The following KCNMA1 variants were observed in gnomAD, a reference collection of about 807,000 sequenced individuals.
KCNMA1 encodes the protein potassium calcium-activated channel subfamily M alpha 1.
KCNMA1 carries 29 observed loss-of-function variants against 140.0 expected under a neutral mutation model. That is an observed-to-expected ratio of 0.21 (90% CI 0.15 to 0.28). The LOEUF (loss-of-function observed/expected upper bound fraction) is 0.28, where lower values mean the gene tolerates loss of function less well. Among genes scored for constraint, KCNMA1 ranks in the 10% least tolerant of loss-of-function variants. The pLI is 1.00. For missense variants in KCNMA1, 880 were observed against 1,602.2 expected (o/e 0.55, Z 7.70); for synonymous variants, 612 against 611.9 (o/e 1.00, Z 0.00).
chr10:77,588,744 C>G (rs1435761764), intron 1 of KCNMA1, among the ~76,000 whole-genome samples: 2 of 152,260 alleles, frequency 1.3e-5, no homozygotes, highest in African/African-American at 4.8e-5. Flanking sequence ...AGTGGCCAAA[C>G]AGCAAGAGGA....
At chr10:77,430,478 C>A (rs188859698) in intron 1 of KCNMA1, among the ~76,000 whole-genome samples, 19 of 152,298 alleles carry the variant, frequency 1.2e-4, no homozygotes, top group Admixed American at 5.9e-4. Flanking sequence ...TTTTCCTGGG[C>A]TCATCCTCAA....
intron 1 of KCNMA1, among the ~76,000 whole-genome samples, chr10:77,548,239 C>T (rs753772707): frequency 5.3e-4 from 80 of 152,302 alleles, no homozygotes; most frequent in Non-Finnish European, 7.9e-4. Flanking sequence ...ATCCTATTTA[C>T]AGAAAGGCAA....
chr10:77,256,609 A>G (rs1440627581), intron 2 of KCNMA1, among the ~76,000 whole-genome samples: 2 of 152,180 alleles, frequency 1.3e-5, no homozygotes, highest in African/African-American at 4.8e-5. Context: ...GAGTACTAGA[A>G]AAAGTACAGA....
At chr10:77,279,191 T>G (rs527963948) in intron 2 of KCNMA1, among the ~76,000 whole-genome samples, 112 of 152,298 alleles carry the variant, frequency 7.4e-4, no homozygotes, top group Admixed American at 1.8e-3. Flanking sequence ...CTCTACTACA[T>G]TTAGAATAAT....
At chr10:76,941,981 A>C (rs1248652972) in intron 23 of KCNMA1, among the ~76,000 whole-genome samples, 1 of 151,588 alleles carries the variant, frequency 6.6e-6, no homozygotes, top group Non-Finnish European at 1.5e-5. Flanking sequence ...GGTTTATTTT[A>C]TTTTGTTTTA....
At chr10:77,229,517 T>A (rs1052436674) in intron 3 of KCNMA1, among the ~76,000 whole-genome samples, 1 of 152,318 alleles carries the variant, frequency 6.6e-6, no homozygotes, top group African/African-American at 2.4e-5. Context: ...GCTTCACTCA[T>A]CTCTTCACCC....
rs1020929640 is a variant in KCNMA1, at chr10:76,928,778, G to A, written c.2903-13729C>T. Among the ~76,000 whole-genome samples, 4 of 152,076 alleles carry A rather than the reference G, an allele frequency of 2.6e-5. No homozygotes were observed. In the South Asian group the frequency reaches 6.2e-4, roughly 24 times the overall value. Reference sequence around the variant, plus strand: ...GGAGCCGATCAACGCGCCATCCCTCGTGTGCCATCTACATAAGAGTTGTTG... The same window carrying A: ...GGAGCCGATCAACGCGCCATCCCTCATGTGCCATCTACATAAGAGTTGTTG... On this transcript the variant is annotated intron_variant, in intron 23 of 27. Coordinates refer to ENST00000286628, the MANE Select transcript of KCNMA1 (RefSeq NM_001161352.2).
rs140208664 is a variant in KCNMA1 at position 77,083,848 on chromosome 10, G to A, written c.1523+789C>T. ...AGACTCTGTCTCTATGAAAAAAAAC[G>A]GGGGGGGGTTGGGGGAGGTGGGAGA... is the stretch of plus-strand genomic sequence containing the variant. On this transcript the variant is annotated intron_variant, in intron 12 of 27. Transcript: ENST00000286628. Among the ~76,000 whole-genome samples the A allele has an allele frequency of 1.0e-3, 146 of 146,054 alleles. 1 individual carries two copies. The highest frequency in any genetic ancestry group is 1.6e-3 in the Non-Finnish European group (110 of 67,214).
chr10:76,963,954 G>A (rs2072805279), intron 20 of KCNMA1, among the ~76,000 whole-genome samples: 1 of 151,908 alleles, frequency 6.6e-6, no homozygotes, highest in African/African-American at 2.4e-5. Context: ...ATCATAGTTG[G>A]GTGTTCAGCA....
At chr10:77,545,596 G>A (rs1258421958) in intron 1 of KCNMA1, among the ~76,000 whole-genome samples, 2 of 152,222 alleles carry the variant, frequency 1.3e-5, no homozygotes, top group African/African-American at 2.4e-5. Context: ...CCACAAGGCA[G>A]TGGGGCATGG....
chr10:76,927,498 A>G (rs2058060794), intron 23 of KCNMA1, among the ~76,000 whole-genome samples: 1 of 152,232 alleles, frequency 6.6e-6, no homozygotes, highest in South Asian at 2.1e-4. Context: ...GTGGGCTTTA[A>G]AACTATTTTT....
chr10:77,413,662 A>T (rs774742553), intron 1 of KCNMA1, among the ~76,000 whole-genome samples: 5 of 152,138 alleles, frequency 3.3e-5, no homozygotes, highest in Non-Finnish European at 7.3e-5. Context: ...GGAGTGGCAG[A>T]GTTCACTTCT....
chr10:77,240,895 A>G (rs1037778407), intron 3 of KCNMA1, among the ~76,000 whole-genome samples: 2 of 152,222 alleles, frequency 1.3e-5, no homozygotes, highest in African/African-American at 4.8e-5. Context: ...CAGCGAACAG[A>G]TCTCTTAAAC....
Position 77,624,205 on chromosome 10 carries a change from G to C in KCNMA1, c.378+13060C>G, listed in dbSNP as rs1268678502. On this transcript the variant is annotated intron_variant, in intron 1 of 27. Transcript: ENST00000286628. The stretch of plus-strand genomic sequence containing the variant: ...GAAAAGGATCAAAGTAAGTTGATTT[G>C]CATGACCTTCTCTTTAATCAGATGT... 2.0e-5 allele frequency among the ~76,000 whole-genome samples: 3 copies of C among 152,272 alleles called. No homozygotes were observed. The East Asian group carries it at 5.8e-4, about 29-fold the overall frequency.
chr10:77,439,125 GAGAAGAGAAGAGAAGAGAAGAGAAA>G (rs1435313968), intron 1 of KCNMA1, among the ~76,000 whole-genome samples: 2 of 145,360 alleles, frequency 1.4e-5, no homozygotes, highest in African/African-American at 5.1e-5. Context: ...GAGAAGAGAA[GAGAAGAGAAGAGAAGAGAAGAGAAA>G]AGAGAAGAGA....
rs376264061 is a variant in KCNMA1 at position 76,887,478 on chromosome 10, C to G, written c.3499G>C (p.Val1167Leu). ...AAGCAGAAGATCAGGTCCGTCGGCA[C>G]GAGCTCAAACTCATAGGGCGGGTTG... ...ITNPPYEFEL[V>L]PTDLIFCLMQ... Residue 1167 changes from valine to leucine, a missense_variant, in exon 28 of 28, where the codon GTG (valine) becomes CTG (leucine). Physicochemically the swap from Val to Leu is conservative, Grantham distance 32. This residue lies in a region of KCNMA1 where 115 missense variants were observed against 139.9 expected (regional missense o/e 0.82). Coordinates refer to ENST00000286628, the MANE Select transcript of KCNMA1 (RefSeq NM_001161352.2). 6.2e-7 allele frequency: 1 copy of G among 1,614,064 alleles called. No individual in the cohort carries two copies. The highest frequency in any genetic ancestry group is 1.1e-5 in the South Asian group (1 of 91,066).
At chr10:77,395,079 G>A (rs1416741776) in intron 2 of KCNMA1, among the ~76,000 whole-genome samples, 1 of 152,112 alleles carries the variant, frequency 6.6e-6, no homozygotes, top group African/African-American at 2.4e-5. Context: ...AGGTATGGTG[G>A]CTCACATCTG....
At chr10:76,999,363 T>C (rs2085436882) in intron 19 of KCNMA1, among the ~76,000 whole-genome samples, 1 of 152,242 alleles carries the variant, frequency 6.6e-6, no homozygotes, top group Admixed American at 6.5e-5. Flanking sequence ...CTCCTTTCTT[T>C]TCTCCACTGA....
chr10:77,315,713 T>C (rs1428213362), intron 2 of KCNMA1: 2 of 152,158 alleles, frequency 1.3e-5, no homozygotes, highest in Non-Finnish European at 1.5e-5. Context: ...GCAATTCTTT[T>C]CCCCCACACC....
Sources: allele counts gnomAD v4.1 joint callset (sites outside exome capture counted in the v4.1 genomes callset), GRCh38; gene constraint gnomAD v4.1.1; regional missense constraint gnomAD v4.1.1; transcripts MANE v1.5; gene names NCBI Gene and HGNC (gene_info 2026-07-23, HGNC 2026-07-21).